KCNT2: variants seen among roughly 807,000 people sequenced by gnomAD.
The protein encoded by KCNT2 is potassium channel subfamily T member 2.
In KCNT2, 67 loss-of-function variants were observed where a neutral mutation model predicts 153.8. That is an observed-to-expected ratio of 0.44 (90% CI 0.36 to 0.53). KCNT2 has a LOEUF of 0.53. Ranked by LOEUF, KCNT2 falls within the 20% of genes least tolerant of loss-of-function variation. The pLI is 0.00. For missense variants in KCNT2, 975 were observed against 1,354.8 expected (o/e 0.72, Z 4.40); for synonymous variants, 500 against 458.8 (o/e 1.09, Z -1.15).
intron 25 of KCNT2, among the ~76,000 whole-genome samples, chr1:196,269,977 C>G (rs1263056091): frequency 6.6e-6 from 1 of 152,040 alleles, no homozygotes; most frequent in Non-Finnish European, 1.5e-5. Flanking sequence ...GTTTCTCCAT[C>G]ATATGACTCC....
At chr1:196,349,383 A>G (rs1028126063) in intron 14 of KCNT2, among the ~76,000 whole-genome samples, 3 of 152,234 alleles carry the variant, frequency 2.0e-5, no homozygotes, top group Non-Finnish European at 2.9e-5. Flanking sequence ...TGAAGCTCCA[A>G]TCTTACCAGC....
chr1:196,489,310 A>G (rs1679679699), intron 3 of KCNT2, among the ~76,000 whole-genome samples: 1 of 151,962 alleles, frequency 6.6e-6, no homozygotes. Flanking sequence ...TCAGGCAAAG[A>G]TCCTTGCTGT....
chr1:196,345,349 G>T (rs575531464), intron 14 of KCNT2, among the ~76,000 whole-genome samples: 22 of 152,226 alleles, frequency 1.4e-4, no homozygotes, highest in Non-Finnish European at 2.5e-4. Flanking sequence ...GAGAGGTCTG[G>T]GAGAAGACCA....
At chr1:196,516,710 C>A (rs73069711) in intron 1 of KCNT2, among the ~76,000 whole-genome samples, 2,637 of 152,230 alleles carry the variant, frequency 0.017, 80 homozygotes, top group African/African-American at 0.059. Flanking sequence ...TACCTAGCCA[C>A]CCCTGTCAGT....
chr1:196,482,639 A>G (rs1679104585), intron 3 of KCNT2, among the ~76,000 whole-genome samples: 1 of 152,152 alleles, frequency 6.6e-6, no homozygotes, highest in Non-Finnish European at 1.5e-5. Context: ...ATGATATGGC[A>G]GGGCAGAATA....
chr1:196,337,922 A>G (rs570772051), intron 16 of KCNT2, among the ~76,000 whole-genome samples: 139 of 152,230 alleles, frequency 9.1e-4, no homozygotes, highest in African/African-American at 3.1e-3. Context: ...AGCTCTATGA[A>G]CTAGGGATCT....
At chr1:196,271,954 A>G (rs1024313467) in intron 25 of KCNT2, among the ~76,000 whole-genome samples, 1 of 152,014 alleles carries the variant, frequency 6.6e-6, no homozygotes, top group African/African-American at 2.4e-5. Flanking sequence ...ACGTTACTCT[A>G]TGAGCTTTGC....
At chr1:196,607,760 G>A (rs1665481050) in intron 1 of KCNT2, among the ~76,000 whole-genome samples, 1 of 152,168 alleles carries the variant, frequency 6.6e-6, no homozygotes, top group African/African-American at 2.4e-5. Flanking sequence ...CACAGACAAG[G>A]AGGAGGTAAA....
At chr1:196,258,800 G>T in intron 25 of KCNT2, 1 of 282,180 alleles carries the variant, frequency 3.5e-6, no homozygotes, top group Non-Finnish European at 6.9e-6. Flanking sequence ...GATATTACTA[G>T]CATACAGTTG....
chr1:196,453,696 A>G (rs12134610), intron 8 of KCNT2, among the ~76,000 whole-genome samples: 8,196 of 152,044 alleles, frequency 0.054, 305 homozygotes, highest in Non-Finnish European at 0.081. Context: ...ACGTGTCACC[A>G]CAAATGTTAC....
chr1:196,576,468 T>G (rs1661398127), intron 1 of KCNT2, among the ~76,000 whole-genome samples: 1 of 152,104 alleles, frequency 6.6e-6, no homozygotes, highest in African/African-American at 2.4e-5. Context: ...CATAGCATAC[T>G]TCAGAGTAAA....
intron 15 of KCNT2, among the ~76,000 whole-genome samples, chr1:196,341,169 T>C (rs529045872): frequency 1.3e-5 from 2 of 152,116 alleles, no homozygotes; most frequent in South Asian, 4.1e-4. Flanking sequence ...AAATAAAAAA[T>C]GCTTTTAATA....
chr1:196,341,276 C>G (rs1370183579), intron 15 of KCNT2, among the ~76,000 whole-genome samples: 1 of 151,866 alleles, frequency 6.6e-6, no homozygotes, highest in Non-Finnish European at 1.5e-5. Flanking sequence ...CATCTAATAC[C>G]AAGCCTGTTT....
At chr1:196,244,720 C>T (rs367955134) in intron 26 of KCNT2, among the ~76,000 whole-genome samples, 1 of 152,168 alleles carries the variant, frequency 6.6e-6, no homozygotes, top group Non-Finnish European at 1.5e-5. Flanking sequence ...GTTTCTGACT[C>T]TAGGCCCTGA....
At chr1:196,461,034 A>G (rs1178885222) in intron 8 of KCNT2, among the ~76,000 whole-genome samples, 1 of 151,696 alleles carries the variant, frequency 6.6e-6, no homozygotes, top group East Asian at 1.9e-4. Flanking sequence ...ACTAATGTGA[A>G]AAAAAACAAA....
In KCNT2 at chr1:196,227,177, AT is replaced by A. The variant is rs1158315350; in HGVS notation, c.*1046del. 6.6e-6 allele frequency: 1 copy of A among 152,044 alleles called. No individual in the cohort carries two copies. Among genetic ancestry groups the A allele is most frequent in the East Asian group, 1.9e-4 (1 of 5,194 alleles). 9.4% of individuals were successfully genotyped at this position (152,044 alleles called of 1,614,324 possible). On this transcript the variant is annotated 3_prime_UTR_variant, in exon 28 of 28. Transcript: ENST00000294725. ...ATACGATTTCAAAATTAAGTCAAAA[AT>A]TTTAATACATCCTTCATTGAGTGTT...
Position 196,414,204 on chromosome 1 carries a change from C to A in KCNT2, c.1185+8846G>T, listed in dbSNP as rs762844650. Among the ~76,000 whole-genome samples the A allele has an allele frequency of 2.0e-5, 3 of 151,604 alleles. No homozygotes were observed. In the East Asian group the frequency reaches 5.8e-4, roughly 30 times the overall value. ...CAGATTTTAAAAATATATTTTCACA[C>A]GTAACAGATTATTCTAATTCAAAAT... On this transcript the variant is annotated intron_variant, in intron 12 of 27. Coordinates refer to ENST00000294725, the MANE Select transcript of KCNT2 (RefSeq NM_198503.5).
chr1:196,556,036 A>G (rs1658608939), intron 1 of KCNT2, among the ~76,000 whole-genome samples: 1 of 151,536 alleles, frequency 6.6e-6, no homozygotes, highest in African/African-American at 2.4e-5. Context: ...TAAGACCTCA[A>G]GCTGTGAAAC....
At chr1:196,367,219 T>G (rs1414134441) in intron 14 of KCNT2, among the ~76,000 whole-genome samples, 3 of 152,070 alleles carry the variant, frequency 2.0e-5, no homozygotes, top group Non-Finnish European at 4.4e-5. Context: ...AAAATTCAGG[T>G]AAAGAACTAT....
Sources: gnomAD v4.1 joint callset for allele counts (sites outside exome capture counted in the v4.1 genomes callset) on GRCh38, gnomAD v4.1.1 for gene constraint, MANE v1.5 for transcripts, NCBI Gene and HGNC (gene_info 2026-07-23, HGNC 2026-07-21) for gene names.